GRID1: variants seen among roughly 807,000 people sequenced by gnomAD.
GRID1 encodes glutamate receptor ionotropic, delta-1.
GRID1 carries 28 observed loss-of-function variants against 98.0 expected under a neutral mutation model. That is an observed-to-expected ratio of 0.29 (90% confidence interval 0.21 to 0.39). GRID1 has a LOEUF of 0.39. GRID1 is among the 10% of genes least tolerant of loss of function. The pLI, the probability that GRID1 is intolerant of heterozygous loss-of-function variation, is 1.00. For missense variants in GRID1, 1,111 were observed against 1,340.5 expected (o/e 0.83, Z 2.67); for synonymous variants, 553 against 538.5 (o/e 1.03, Z -0.37).
At chr10:86,064,913 C>A (rs1843698131) in intron 4 of GRID1, among the ~76,000 whole-genome samples, 1 of 152,234 alleles carries the variant, frequency 6.6e-6, no homozygotes, top group Admixed American at 6.5e-5. Context: ...TCCTCAGACC[C>A]ATGTGGCATC....
At chr10:86,077,966 T>C (rs1169525779) in intron 4 of GRID1, among the ~76,000 whole-genome samples, 1 of 152,246 alleles carries the variant, frequency 6.6e-6, no homozygotes, top group African/African-American at 2.4e-5. Context: ...AAGGATCCTG[T>C]GAGGCTGCCC....
intron 4 of GRID1, among the ~76,000 whole-genome samples, chr10:86,096,574 C>A (rs116896935): frequency 2.9e-3 from 441 of 152,322 alleles, no homozygotes; most frequent in Non-Finnish European, 5.3e-3. Context: ...AGCTACCATC[C>A]GTGGACTTAT....
In GRID1 at chr10:85,620,001, A is replaced by G. The variant is rs748750195; in HGVS notation, c.2226T>C (p.Asp742=). The G allele has an allele frequency of 6.2e-7, 1 of 1,614,144 alleles. No individual in the cohort carries two copies. Among genetic ancestry groups the G allele is most frequent in the African/African-American group, 1.3e-5 (1 of 75,068 alleles). Residue 742 remains aspartate, a synonymous_variant, in exon 14 of 16, where the codon GAT becomes GAC. Transcript: ENST00000327946. ...AKKGNYAFLW[D]VAVVEYAALT... ...GGGCTGCGTATTCCACCACGGCCAC[A>G]TCCCACAGGAAGGCGTAGTTCCCCT...
At chr10:85,839,032 TA>T (rs761367681) in intron 8 of GRID1, among the ~76,000 whole-genome samples, 1 of 152,040 alleles carries the variant, frequency 6.6e-6, no homozygotes, top group East Asian at 1.9e-4. Context: ...TCAATAAAGA[TA>T]AAAAAAGACA....
At chr10:86,341,335 C>T (rs1055593321) in intron 2 of GRID1, among the ~76,000 whole-genome samples, 13 of 152,154 alleles carry the variant, frequency 8.5e-5, no homozygotes, top group Non-Finnish European at 1.8e-4. Context: ...GCCCACTAAA[C>T]AGTCCCGGAG....
chr10:85,715,838 A>G (rs1279333732), intron 12 of GRID1, among the ~76,000 whole-genome samples: 2 of 152,232 alleles, frequency 1.3e-5, no homozygotes, highest in Non-Finnish European at 2.9e-5. Context: ...AGTATCTTGA[A>G]GAGATATTTG....
intron 4 of GRID1, among the ~76,000 whole-genome samples, chr10:86,011,515 G>C (rs1171172407): frequency 1.3e-5 from 2 of 152,138 alleles, no homozygotes; most frequent in Non-Finnish European, 2.9e-5. Context: ...TAGGATGGCA[G>C]CTTTTAAGTG....
intron 4 of GRID1, among the ~76,000 whole-genome samples, chr10:85,973,839 G>C (rs1842437936): frequency 6.6e-6 from 1 of 152,208 alleles, no homozygotes; most frequent in African/African-American, 2.4e-5. Context: ...AAGAGCCAAA[G>C]AGCATGGGTT....
At chr10:85,964,236 A>C (rs1227455725) in intron 4 of GRID1, among the ~76,000 whole-genome samples, 1 of 152,242 alleles carries the variant, frequency 6.6e-6, no homozygotes, top group Non-Finnish European at 1.5e-5. Context: ...ACTCAATGCT[A>C]TCCCCCTCAA....
At chr10:85,689,309 T>C (rs1033419376) in intron 12 of GRID1, among the ~76,000 whole-genome samples, 17 of 152,112 alleles carry the variant, frequency 1.1e-4, no homozygotes, top group African/African-American at 4.1e-4. Flanking sequence ...TGGGAATGGT[T>C]AATAGAATGA....
intron 12 of GRID1, among the ~76,000 whole-genome samples, chr10:85,704,320 T>A (rs188622690): frequency 7.2e-5 from 11 of 152,262 alleles, no homozygotes; most frequent in Middle Eastern, 3.4e-3. Flanking sequence ...GTTGCAATCC[T>A]AGTCTCTGAT....
chr10:85,989,971 A>C (rs1453861597), intron 4 of GRID1, among the ~76,000 whole-genome samples: 4 of 152,286 alleles, frequency 2.6e-5, no homozygotes, highest in East Asian at 1.9e-4. Flanking sequence ...GCCCTGTGAA[A>C]TTACAGCAAA....
chr10:85,635,267 C>T (rs987234423), intron 13 of GRID1, among the ~76,000 whole-genome samples: 1 of 152,106 alleles, frequency 6.6e-6, no homozygotes, highest in Admixed American at 6.5e-5. Flanking sequence ...CTTTCCTTGA[C>T]ATTTGGACTG....
chr10:86,359,344 G>C (rs1848573295), intron 2 of GRID1, among the ~76,000 whole-genome samples: 1 of 152,196 alleles, frequency 6.6e-6, no homozygotes, highest in Non-Finnish European at 1.5e-5. Flanking sequence ...GAAGCCATCA[G>C]AGCTAGGGAT....
At chr10:86,135,977 G>A (rs1431214584) in intron 4 of GRID1, among the ~76,000 whole-genome samples, 1 of 152,200 alleles carries the variant, frequency 6.6e-6, no homozygotes, top group Non-Finnish European at 1.5e-5. Flanking sequence ...GCATAACATT[G>A]ACATGCAGTT....
chr10:85,840,853 GA>G (rs1201217362), intron 8 of GRID1, among the ~76,000 whole-genome samples: 2 of 151,800 alleles, frequency 1.3e-5, no homozygotes, highest in East Asian at 3.9e-4. Flanking sequence ...ATTAACAAAT[GA>G]AAAAAACATT....
intron 4 of GRID1, among the ~76,000 whole-genome samples, chr10:86,095,609 T>G (rs571928006): frequency 7.9e-5 from 12 of 152,124 alleles, no homozygotes; most frequent in Non-Finnish European, 1.5e-5. Context: ...ATCAAAAAAA[T>G]GCTCAACATC....
intron 8 of GRID1, among the ~76,000 whole-genome samples, chr10:85,825,827 A>C (rs1461092562): frequency 6.6e-5 from 10 of 152,240 alleles, no homozygotes; most frequent in Non-Finnish European, 1.5e-4. Context: ...AATGCACAGA[A>C]TATTGATTCA....
intron 4 of GRID1, among the ~76,000 whole-genome samples, chr10:86,017,989 G>A (rs890176611): frequency 1.5e-4 from 23 of 152,144 alleles, no homozygotes; most frequent in Non-Finnish European, 3.4e-4. Flanking sequence ...GATTTCCTGT[G>A]CCACGTCCCT....
Sources: allele counts gnomAD v4.1 joint callset (sites outside exome capture counted in the v4.1 genomes callset), GRCh38; gene constraint gnomAD v4.1.1; transcripts MANE v1.5; gene names NCBI Gene and HGNC (gene_info 2026-07-23, HGNC 2026-07-21).